The following MED28 variants were observed in gnomAD, a reference collection of about 807,000 sequenced individuals.
MED28 encodes mediator complex subunit 28, also known as mediator of RNA polymerase II transcription subunit 28.
Under a neutral mutation model 21.3 loss-of-function variants are expected in MED28, and 26 were observed. The ratio of observed to expected loss-of-function variants is 1.22; its 90% CI spans 0.89 to 1.69. MED28 has a LOEUF of 1.69. Among genes scored for constraint, MED28 ranks in the 40% most tolerant of loss-of-function variants. MED28 has a pLI of 0.00. For missense variants in MED28, 257 were observed against 215.4 expected, an observed-to-expected ratio of 1.19 and a Z score of -1.21; for synonymous variants, 110 against 87.6, an observed-to-expected ratio of 1.26 and a Z score of -1.43.
At chr4:17,620,347 T>G (rs1184440741) in intron 2 of MED28, among the ~76,000 whole-genome samples, 1 of 136,678 alleles carries the variant, frequency 7.3e-6, no homozygotes, top group African/African-American at 2.7e-5. Context: ...CGTACCATAT[T>G]TTACATGTTT....
intron 1 of MED28, among the ~76,000 whole-genome samples, chr4:17,616,564 G>A (rs1341912771): frequency 6.6e-6 from 1 of 152,156 alleles, no homozygotes; most frequent in African/African-American, 2.4e-5. Flanking sequence ...CTTCAGACTC[G>A]TTTCCTTACT....
chr4:17,619,408 A>G (rs757647754), intron 1 of MED28, among the ~76,000 whole-genome samples: 8 of 152,198 alleles, frequency 5.3e-5, no homozygotes, highest in African/African-American at 1.2e-4. Context: ...ACAGATAATA[A>G]TGGATGAAAA....
At chr4:17,623,143 G>A (rs527576336) in intron 3 of MED28, among the ~76,000 whole-genome samples, 16 of 152,122 alleles carry the variant, frequency 1.1e-4, no homozygotes, top group Admixed American at 3.3e-4. Context: ...GCTCACGCCT[G>A]TAATCCTAGC....
At chr4:17,615,920 C>G (rs1028094836) in intron 1 of MED28, among the ~76,000 whole-genome samples, 23 of 152,224 alleles carry the variant, frequency 1.5e-4, no homozygotes, top group African/African-American at 5.5e-4. Flanking sequence ...ATTATTCAGA[C>G]TGCATGGACA....
rs1714950414 is a variant in MED28, at chr4:17,631,728, C to A, written c.*7930C>A. On this transcript the variant is annotated 3_prime_UTR_variant, in exon 4 of 4. Coordinates refer to ENST00000237380, the MANE Select transcript of MED28 (RefSeq NM_025205.5). ...AGTGAAAGTATTCAGTCCAAGCATG[C>A]TACCATCCATTTCTGGTAGGTTTGG... The A allele has an allele frequency of 6.6e-6, 1 of 152,212 alleles. No individual in the cohort carries two copies. Among genetic ancestry groups the A allele is most frequent in the South Asian group, 2.1e-4 (1 of 4,826 alleles). 9.4% of individuals were successfully genotyped at this position (152,212 alleles called of 1,614,324 possible). A position where few individuals can be genotyped will look rare whatever the true frequency, so the allele number is the denominator to read the frequency against.
chr4:17,615,386 A>G (rs1714418324), intron 1 of MED28, among the ~76,000 whole-genome samples: 1 of 152,200 alleles, frequency 6.6e-6, no homozygotes, highest in South Asian at 2.1e-4. Flanking sequence ...TGAACTGTAT[A>G]TTGAGGGAAG....
In MED28 at chr4:17,632,458, G is replaced by A. The variant is rs965326657; in HGVS notation, c.*8660G>A. On this transcript the variant is annotated 3_prime_UTR_variant, in exon 4 of 4. Transcript: ENST00000237380. ...CATATTATTTGGTTGGTTGGTGTTAGTTCATTCCTTCAATCGGATGATTTA... is the reference window on the plus strand; with the variant it reads ...CATATTATTTGGTTGGTTGGTGTTAATTCATTCCTTCAATCGGATGATTTA... 11 of 1,281,952 alleles carry A rather than the reference G, an allele frequency of 8.6e-6. No homozygotes were observed. Among genetic ancestry groups the A allele is most frequent in the African/African-American group, 7.5e-5 (5 of 67,016 alleles). The allele number at this position is 1,281,952 out of a possible 1,614,324, so 79.4% of individuals were successfully genotyped here.
intron 2 of MED28, 115 bp downstream of exon 2, chr4:17,620,082 A>C: frequency 4.3e-6 from 4 of 940,816 alleles, no homozygotes; most frequent in South Asian, 1.4e-5. Context: ...CATTTCAGGG[A>C]CTAAAATGTG....
intron 1 of MED28, among the ~76,000 whole-genome samples, chr4:17,617,251 C>T (rs1302372330): frequency 6.6e-6 from 1 of 152,220 alleles, no homozygotes; most frequent in Non-Finnish European, 1.5e-5. Flanking sequence ...TGGAACTTTT[C>T]CTGTTTCCTT....
chr4:17,621,532 A>G lies in MED28; in HGVS notation c.227-55A>G, dbSNP rs1714632328. The G allele has an allele frequency of 2.5e-6, 3 of 1,185,366 alleles. No homozygotes were observed. In the East Asian group the frequency reaches 7.3e-5, roughly 29 times the overall value. The allele number at this position is 1,185,366 out of a possible 1,614,324, so 73.4% of individuals were successfully genotyped here. A position where few individuals can be genotyped will look rare whatever the true frequency, so the allele number is the denominator to read the frequency against. ...TTCTGATTATTCATTTATGAGGGAG[A>G]TAAATGAGTCTGTTGTTTTTCTTAT... On this transcript the variant is annotated intron_variant, in intron 2 of 3. Coordinates refer to ENST00000237380, the MANE Select transcript of MED28 (RefSeq NM_025205.5).
At chr4:17,622,080 CA>C (rs1714652935) in intron 3 of MED28, among the ~76,000 whole-genome samples, 1 of 152,186 alleles carries the variant, frequency 6.6e-6, no homozygotes, top group African/African-American at 2.4e-5. Flanking sequence ...CACAGGAATC[CA>C]AGGAATCAAA....
At chr4:17,615,715 C>T (rs912165169) in intron 1 of MED28, among the ~76,000 whole-genome samples, 1 of 152,054 alleles carries the variant, frequency 6.6e-6, no homozygotes, top group East Asian at 1.9e-4. Context: ...GAGGCTGAGG[C>T]AGGAGAATCG....
In MED28 at chr4:17,623,587, A is replaced by C. The variant is rs751329090; in HGVS notation, c.340-14A>C. ...TGCATTTGCTCTGACTTAGTCCATG[A>C]CTTTCATCTGCAGGATGTGTCAGAA... is the stretch of plus-strand genomic sequence containing the variant. On this transcript the variant is annotated splice_polypyrimidine_tract_variant and intron_variant, in intron 3 of 3. Transcript: ENST00000237380. The C allele has an allele frequency of 6.2e-7, 1 of 1,612,966 alleles. No homozygotes were observed. Among genetic ancestry groups the C allele is most frequent in the Admixed American group, 1.7e-5 (1 of 60,006 alleles).
chr4:17,632,803 T>G lies in MED28; in HGVS notation c.*9005T>G. ...GTAAAGGATGGGGCTGGGGAGGGAG[T>G]ACCTAATCCTCATTTGGAAAACAGA... is the stretch of plus-strand genomic sequence containing the variant. On this transcript the variant is annotated 3_prime_UTR_variant, in exon 4 of 4. Coordinates refer to ENST00000237380, the MANE Select transcript of MED28 (RefSeq NM_025205.5). 1 of 517,526 alleles carries G rather than the reference T, an allele frequency of 1.9e-6. No homozygotes were observed. The highest frequency in any genetic ancestry group is 2.3e-5 in the South Asian group (1 of 42,984). 32.1% of individuals were successfully genotyped at this position (517,526 alleles called of 1,614,324 possible).
chr4:17,621,913 G>T (rs976903328), intron 3 of MED28, among the ~76,000 whole-genome samples: 2 of 152,332 alleles, frequency 1.3e-5, no homozygotes, highest in South Asian at 4.1e-4. Flanking sequence ...AGACGGAACA[G>T]CTCTGATGTG....
At position 17,630,481 on chromosome 4, in the gene MED28, C is replaced by T. The variant is rs561258260; in HGVS notation, c.*6683C>T. Reference sequence around the variant, plus strand: ...CCATTTCTGAAGAATGGGCCCTCCCCAGACTCCATATCTGCTGGTGCCTTG... The same window carrying T: ...CCATTTCTGAAGAATGGGCCCTCCCTAGACTCCATATCTGCTGGTGCCTTG... On this transcript the variant is annotated 3_prime_UTR_variant, in exon 4 of 4. Coordinates refer to ENST00000237380, the MANE Select transcript of MED28 (RefSeq NM_025205.5). 1.3e-5 allele frequency: 2 copies of T among 152,342 alleles called. No individual in the cohort carries two copies. The highest frequency in any genetic ancestry group is 4.1e-4 in the South Asian group (2 of 4,824). The allele number at this position is 152,342 out of a possible 1,614,324, so 9.4% of individuals were successfully genotyped here. A position where few individuals can be genotyped will look rare whatever the true frequency, so the allele number is the denominator to read the frequency against.
intron 1 of MED28, among the ~76,000 whole-genome samples, chr4:17,618,780 C>G (rs1445423779): frequency 1.3e-5 from 2 of 152,078 alleles, no homozygotes; most frequent in East Asian, 3.9e-4. Flanking sequence ...ACTTCGTGAT[C>G]TGCCTGCGTG....
rs149358905 is a variant in MED28 at position 17,624,360 on chromosome 4, G to T, written c.*562G>T. ...TTTTTTTGTAAATAGGTCAGAAGAC[G>T]ATGGAACTGTCCTGGGTTAGTATAG... On this transcript the variant is annotated 3_prime_UTR_variant, in exon 4 of 4. Coordinates refer to ENST00000237380, the MANE Select transcript of MED28 (RefSeq NM_025205.5). The T allele has an allele frequency of 1.3e-5, 2 of 157,578 alleles. No individual in the cohort carries two copies. The highest frequency in any genetic ancestry group is 2.8e-5 in the Non-Finnish European group (2 of 70,924). 9.8% of individuals were successfully genotyped at this position (157,578 alleles called of 1,614,324 possible). A position where few individuals can be genotyped will look rare whatever the true frequency, so the allele number is the denominator to read the frequency against.
rs372782385 is a variant in MED28, at chr4:17,614,674, G to C, written c.20G>C (p.Gly7Ala). 3 of 1,612,788 alleles carry C rather than the reference G, an allele frequency of 1.9e-6. No homozygotes were observed. The highest frequency in any genetic ancestry group is 2.2e-5 in the East Asian group (1 of 44,880). The change falls in exon 1 of 4, where the codon GGT becomes GCT. Residue 7 changes from glycine (G) to alanine (A), a missense_variant. Physicochemically the swap from Gly to Ala is moderately conservative, Grantham distance 60. Transcript: ENST00000237380. ...CCAAACATGGCGGCTCCACTAGGGG[G>C]TATGTTTTCTGGGCAGCCACCCGGT... Reference protein sequence around the residue: MAAPLGGMFSGQPPGPP... With the variant: MAAPLGAMFSGQPPGPP...
Sources: gnomAD v4.1 joint callset for allele counts (sites outside exome capture counted in the v4.1 genomes callset) on GRCh38, gnomAD v4.1.1 for gene constraint, MANE v1.5 for transcripts, NCBI Gene and HGNC (gene_info 2026-07-23, HGNC 2026-07-21) for gene names.